The following ZNF462 variants were observed in gnomAD, a reference collection of about 807,000 sequenced individuals.
The protein encoded by ZNF462 is zinc finger PBX1-interacting protein.
ZNF462 carries 10 observed loss-of-function variants against 201.9 expected under a neutral mutation model. That is an observed-to-expected ratio of 0.05 (90% confidence interval 0.03 to 0.08). ZNF462 has a LOEUF of 0.08. Among genes scored for constraint, ZNF462 ranks in the 10% least tolerant of loss-of-function variants. The pLI, the probability that ZNF462 is intolerant of heterozygous loss-of-function variation, is 1.00. For missense variants in ZNF462, 2,523 were observed against 3,168.3 expected (o/e 0.80, Z 4.89); for synonymous variants, 1,227 against 1,193.3 (o/e 1.03, Z -0.58).
intron 1 of ZNF462, among the ~76,000 whole-genome samples, chr9:106,893,165 A>G (rs1036387049): frequency 6.6e-6 from 1 of 152,204 alleles, no homozygotes; most frequent in Non-Finnish European, 1.5e-5. Context: ...ACACGATGCC[A>G]AGAAGCAGAT....
rs929245873 is a variant in ZNF462 at position 106,902,146 on chromosome 9, C to T, written c.-30-21208C>T. 2.0e-5 allele frequency among the ~76,000 whole-genome samples: 3 copies of T among 152,010 alleles called. No individual in the cohort carries two copies. The highest frequency in any genetic ancestry group is 1.3e-4 in the Admixed American group (2 of 15,262). Reference sequence around the variant, plus strand: ...ATCATAAAGGGATGCTGGATTTTGTCGAATGCTTTTTCTGCCTCTATTGAG... The same window carrying T: ...ATCATAAAGGGATGCTGGATTTTGTTGAATGCTTTTTCTGCCTCTATTGAG... On this transcript the variant is annotated intron_variant, in intron 1 of 12. Coordinates refer to ENST00000277225, the MANE Select transcript of ZNF462 (RefSeq NM_021224.6). This position sits in a 1 kb window ranked among gnomAD's most constrained non-coding sequence, Gnocchi z 4.2.
rs1023427745 is a variant in ZNF462 at position 106,993,960 on chromosome 9, C to G, written c.7057-9334C>G. Among the ~76,000 whole-genome samples, 10 of 152,080 alleles carry G rather than the reference C, an allele frequency of 6.6e-5. No homozygotes were observed. The highest frequency in any genetic ancestry group is 2.4e-4 in the African/African-American group (10 of 41,432). On this transcript the variant is annotated intron_variant, in intron 10 of 12. Coordinates refer to ENST00000277225, the MANE Select transcript of ZNF462 (RefSeq NM_021224.6). The surrounding 1 kb of genome is among the most constrained non-coding windows in gnomAD (Gnocchi z 4.0). ...AAGTCATGAAGAAAAACAAACCTTG[C>G]ACTTCTCACATTTAAAAAATACACA... is the stretch of plus-strand genomic sequence containing the variant.
chr9:106,924,615 C>T lies in ZNF462; in HGVS notation c.703C>T (p.Pro235Ser), dbSNP rs1052731532. The T allele has an allele frequency of 5.6e-6, 9 of 1,614,122 alleles. No individual in the cohort carries two copies. The highest frequency in any genetic ancestry group is 7.6e-6 in the Non-Finnish European group (9 of 1,180,020). Reference protein sequence around the residue: ...ERSILESMVKPLTKSRGNFCC... With the variant: ...ERSILESMVKSLTKSRGNFCC... ...CAGCATCTTAGAGTCTATGGTCAAG[C>T]CTTTGACCAAATCTCGAGGCAACTT... The change falls in exon 3 of 13, where the codon CCT becomes TCT. Residue 235 changes from proline (P) to serine (S), a missense_variant. Around this residue, in one of 15 missense-constraint regions of ZNF462, gnomAD observed 480 missense variants for 544.4 expected, o/e 0.88. Transcript: ENST00000277225. This position sits in a 1 kb window ranked among gnomAD's most constrained non-coding sequence, Gnocchi z 6.2.
Position 106,991,557 on chromosome 9 carries a change from G to A in ZNF462, c.7056+7148G>A, listed in dbSNP as rs182887189. On this transcript the variant is annotated intron_variant, in intron 10 of 12. Transcript: ENST00000277225. ...GACAAACTGGCCCTAAAATTTATAT[G>A]GAAATGCAAATGACCTATAGAATAT... is the stretch of plus-strand genomic sequence containing the variant. 3.4e-3 allele frequency among the ~76,000 whole-genome samples: 519 copies of A among 151,828 alleles called. 16 individuals are homozygous for A. The South Asian group carries it at 0.08, about 23-fold the overall frequency.
intron 1 of ZNF462, among the ~76,000 whole-genome samples, chr9:106,871,950 C>T (rs1282643266): frequency 6.6e-6 from 1 of 152,176 alleles, no homozygotes; most frequent in African/African-American, 2.4e-5. Context: ...ACTATGACTA[C>T]TACCTGGCGT....
chr9:106,963,616 T>TAA lies in ZNF462; in HGVS notation c.6428-8387_6428-8386dup, dbSNP rs370934443. ...ATCATTAAGTATTTATGGTGATAATTAAAGTTTATGAAGTTTGTAAGGAAC... is the reference window on the plus strand; with the variant it reads ...ATCATTAAGTATTTATGGTGATAATTAAAAAGTTTATGAAGTTTGTAAGGAAC... On this transcript the variant is annotated intron_variant, in intron 7 of 12. Coordinates refer to ENST00000277225, the MANE Select transcript of ZNF462 (RefSeq NM_021224.6). This position sits in a 1 kb window ranked among gnomAD's most constrained non-coding sequence, Gnocchi z 4.7. 1.3e-5 allele frequency among the ~76,000 whole-genome samples: 2 copies of TAA among 152,062 alleles called. No homozygotes were observed. The highest frequency in any genetic ancestry group is 2.9e-5 in the Non-Finnish European group (2 of 67,992).
In ZNF462 at chr9:106,938,900, C is replaced by T. The variant is rs775221105; in HGVS notation, c.6236-16C>T. 1.3e-6 allele frequency: 2 copies of T among 1,589,528 alleles called. No homozygotes were observed. The highest frequency in any genetic ancestry group is 1.7e-6 in the Non-Finnish European group (2 of 1,167,454). On this transcript the variant is annotated splice_polypyrimidine_tract_variant and intron_variant, in intron 6 of 12. Coordinates refer to ENST00000277225, the MANE Select transcript of ZNF462 (RefSeq NM_021224.6). The surrounding 1 kb of genome is among the most constrained non-coding windows in gnomAD (Gnocchi z 4.4). ...CTCTTTTTCCTGTTCTATTTCTTGT[C>T]ACCATCCTCTTCCAGGTGAGCATGC...
At chr9:106,961,704 A>G (rs1294097044) in intron 7 of ZNF462, among the ~76,000 whole-genome samples, 2 of 152,038 alleles carry the variant, frequency 1.3e-5, no homozygotes, top group African/African-American at 4.8e-5. Flanking sequence ...CAAAGAGATC[A>G]TAGTCTGGTA....
At chr9:106,906,784 G>A (rs1465428761) in intron 1 of ZNF462, among the ~76,000 whole-genome samples, 3 of 152,176 alleles carry the variant, frequency 2.0e-5, no homozygotes, top group Non-Finnish European at 4.4e-5. Flanking sequence ...TCATTAAGTA[G>A]AAAATGAAAG....
chr9:106,889,241 C>T (rs992055310), intron 1 of ZNF462, among the ~76,000 whole-genome samples: 1 of 152,266 alleles, frequency 6.6e-6, no homozygotes, highest in South Asian at 2.1e-4. Flanking sequence ...CCTCCCCACC[C>T]CTTTTAAAAG....
In ZNF462 at chr9:106,935,455, C is replaced by T. The variant is rs1830593727; in HGVS notation, c.6117-48C>T. On this transcript the variant is annotated intron_variant, in intron 5 of 12. Coordinates refer to ENST00000277225, the MANE Select transcript of ZNF462 (RefSeq NM_021224.6). The surrounding 1 kb of genome is among the most constrained non-coding windows in gnomAD (Gnocchi z 4.1). ...AAAAGCAATGAGCAAATCCTCTATG[C>T]AATTTTTAATTTTGTCATTTTTCTT... The T allele has an allele frequency of 1.9e-6, 3 of 1,554,824 alleles. No individual in the cohort carries two copies. The highest frequency in any genetic ancestry group is 2.7e-6 in the Non-Finnish European group (3 of 1,127,350).
In ZNF462 at chr9:106,917,989, C is replaced by T. The variant is rs1829845544; in HGVS notation, c.-30-5365C>T. 2.0e-5 allele frequency among the ~76,000 whole-genome samples: 3 copies of T among 151,878 alleles called. No homozygotes were observed. Among genetic ancestry groups the T allele is most frequent in the Admixed American group, 6.6e-5 (1 of 15,246 alleles). Reference sequence around the variant, plus strand: ...TCTCCCGGGTTCAAGCAATTCTCTGCCTCAGCCTCCTGAGTAGCTGGGATT... The same window carrying T: ...TCTCCCGGGTTCAAGCAATTCTCTGTCTCAGCCTCCTGAGTAGCTGGGATT... On this transcript the variant is annotated intron_variant, in intron 1 of 12. Transcript: ENST00000277225. The surrounding 1 kb of genome is among the most constrained non-coding windows in gnomAD (Gnocchi z 4.5).
chr9:106,944,098 A>G (rs554354059), intron 7 of ZNF462, among the ~76,000 whole-genome samples: 37 of 152,328 alleles, frequency 2.4e-4, no homozygotes, highest in African/African-American at 8.4e-4. Flanking sequence ...TATAGAAAGT[A>G]TGATGGAGCT....
chr9:106,860,442 C>A (rs1202071647), upstream of ZNF462, among the ~76,000 whole-genome samples: 1 of 152,122 alleles, frequency 6.6e-6, no homozygotes, highest in Non-Finnish European at 1.5e-5. This position sits in a 1 kb window ranked among gnomAD's most constrained non-coding sequence, Gnocchi z 7.1. Flanking sequence ...CCAAGGTTTC[C>A]TCTGACCTCG....
At chr9:106,910,002 CA>C (rs1487360334) in intron 1 of ZNF462, among the ~76,000 whole-genome samples, 2 of 152,148 alleles carry the variant, frequency 1.3e-5, no homozygotes, top group African/African-American at 4.8e-5. Context: ...TCTTATCTGT[CA>C]TCTTCTCCAC....
At chr9:106,980,969 C>T (rs760526879) in intron 9 of ZNF462, among the ~76,000 whole-genome samples, 1 of 152,198 alleles carries the variant, frequency 6.6e-6, no homozygotes, top group Non-Finnish European at 1.5e-5. Context: ...TTATGTCTTT[C>T]ATTTGCCTCA....
At chr9:106,887,433 CA>C (rs1218858314) in intron 1 of ZNF462, among the ~76,000 whole-genome samples, 2 of 152,176 alleles carry the variant, frequency 1.3e-5, no homozygotes, top group Admixed American at 6.5e-5. Context: ...ATACAGAGCC[CA>C]ACTGGAACCT....
In ZNF462 at chr9:106,963,405, A is replaced by T. The variant is rs1011242428; in HGVS notation, c.6428-8600A>T. ...GTTTAATCCAGGAAACATTTTCTTAAGTACCTTTCCAGGCACTTCTAAGCA... is the reference window on the plus strand; with the variant it reads ...GTTTAATCCAGGAAACATTTTCTTATGTACCTTTCCAGGCACTTCTAAGCA... On this transcript the variant is annotated intron_variant, in intron 7 of 12. Coordinates refer to ENST00000277225, the MANE Select transcript of ZNF462 (RefSeq NM_021224.6). The surrounding 1 kb of genome is among the most constrained non-coding windows in gnomAD (Gnocchi z 4.7). Among the ~76,000 whole-genome samples, 1 of 152,082 alleles carries T rather than the reference A, an allele frequency of 6.6e-6. No individual in the cohort carries two copies. The highest frequency in any genetic ancestry group is 1.5e-5 in the Non-Finnish European group (1 of 67,986).
In ZNF462 at chr9:106,864,038, G is replaced by GGC. The variant is rs1564062257; in HGVS notation, c.-31+684_-31+685dup. ...CAGCCCCCCTCTTCCTCAGGTATTT[G>GGC]GCTCTCTCTCTCTCTCTCTCTCTCT... On this transcript the variant is annotated intron_variant, in intron 1 of 12. Transcript: ENST00000277225. 1.2e-3 allele frequency among the ~76,000 whole-genome samples: 66 copies of GGC among 55,380 alleles called. 1 individual carries two copies. Among genetic ancestry groups the GGC allele is most frequent in the Admixed American group, 2.1e-3 (8 of 3,880 alleles). 36.3% of individuals were successfully genotyped at this position (55,380 alleles called of 152,430 possible).
Sources: allele counts gnomAD v4.1 joint callset (sites outside exome capture counted in the v4.1 genomes callset), GRCh38; gene constraint gnomAD v4.1.1; regional missense constraint gnomAD v4.1.1; non-coding constraint Gnocchi (gnomAD v3.1); transcripts MANE v1.5; gene names NCBI Gene and HGNC (gene_info 2026-07-23, HGNC 2026-07-21).